Variants in GRIP1 observed in about 807,000 individuals in gnomAD.
The protein encoded by GRIP1 is glutamate receptor interacting protein 1.
In GRIP1, 45 loss-of-function variants were observed where a neutral mutation model predicts 129.9. The ratio of observed to expected loss-of-function variants is 0.35; its 90% CI spans 0.27 to 0.44. The LOEUF is 0.44. Among genes scored for constraint, GRIP1 ranks in the 20% least tolerant of loss-of-function variants. The probability of loss-of-function intolerance (pLI) is 1.00; values close to 1 mark genes in which losing one functional copy is unlikely to be tolerated. For missense variants in GRIP1, 1,196 were observed against 1,396.8 expected, an observed-to-expected ratio of 0.86 and a Z score of 2.29; for synonymous variants, 530 against 520.8, an observed-to-expected ratio of 1.02 and a Z score of -0.24.
intron 1 of GRIP1, among the ~76,000 whole-genome samples, chr12:66,598,128 C>CAGAA (rs1303298344): frequency 3.3e-5 from 5 of 152,084 alleles, no homozygotes; most frequent in Non-Finnish European, 7.4e-5. Context: ...AGGATTTATT[C>CAGAA]AGAACAAGGC....
intron 1 of GRIP1, among the ~76,000 whole-genome samples, chr12:66,686,762 A>G (rs1253565827): frequency 6.6e-6 from 1 of 152,234 alleles, no homozygotes; most frequent in Non-Finnish European, 1.5e-5. Context: ...GCATATATTA[A>G]AAACAAACTA....
At chr12:66,919,180 A>G (rs1184205413) in intron 1 of GRIP1, among the ~76,000 whole-genome samples, 1 of 152,174 alleles carries the variant, frequency 6.6e-6, no homozygotes, top group African/African-American at 2.4e-5. Context: ...CCAAATTATC[A>G]ATTTTTTAAG....
At chr12:66,820,181 T>C (rs945542109) in intron 1 of GRIP1, among the ~76,000 whole-genome samples, 7 of 152,184 alleles carry the variant, frequency 4.6e-5, no homozygotes, top group Non-Finnish European at 1.0e-4. Context: ...AAGGCCGAGG[T>C]GGGCATATCA....
intron 7 of GRIP1, among the ~76,000 whole-genome samples, chr12:66,481,227 CAAAA>C (rs79786837): frequency 8.2e-6 from 1 of 121,270 alleles, no homozygotes. Context: ...CTAGAATCTA[CAAAA>C]AAAAAAAAAC....
intron 1 of GRIP1, among the ~76,000 whole-genome samples, chr12:66,693,238 G>T (rs549985347): frequency 6.6e-6 from 1 of 152,262 alleles, no homozygotes; most frequent in South Asian, 2.1e-4. Context: ...CTGTAAGTAC[G>T]CTCGTTTTGC....
At chr12:66,950,575 TA>T (rs1340705483) in intron 1 of GRIP1, among the ~76,000 whole-genome samples, 3 of 152,048 alleles carry the variant, frequency 2.0e-5, no homozygotes, top group African/African-American at 7.2e-5. Flanking sequence ...TAGAATAGCA[TA>T]AAATAGAAAA....
intron 4 of GRIP1, among the ~76,000 whole-genome samples, chr12:66,531,250 AAAAT>A (rs2061442787): frequency 3.7e-4 from 13 of 35,118 alleles, no homozygotes; most frequent in East Asian, 1.0e-3. Flanking sequence ...AAAAAAAAAA[AAAAT>A]ATATATATAT....
At chr12:66,551,571 CTTTT>C (rs10719369) in intron 2 of GRIP1, among the ~76,000 whole-genome samples, 1 of 114,444 alleles carries the variant, frequency 8.7e-6, no homozygotes, top group Non-Finnish European at 1.8e-5. Context: ...GGCTAGAATC[CTTTT>C]TTTTTTTTTT....
chr12:66,944,917 C>T (rs904481479), intron 1 of GRIP1, among the ~76,000 whole-genome samples: 10 of 152,228 alleles, frequency 6.6e-5, no homozygotes, highest in Non-Finnish European at 1.5e-4. Context: ...CTCAGCCTCC[C>T]GAGAAACTGG....
chr12:66,363,083 A>G (rs547738617), intron 23 of GRIP1, among the ~76,000 whole-genome samples: 1 of 150,120 alleles, frequency 6.7e-6, no homozygotes, highest in Admixed American at 6.6e-5. Context: ...ACTGGCTGAT[A>G]TATCACATAT....
chr12:66,485,279 A>G (rs1478365576), intron 7 of GRIP1, among the ~76,000 whole-genome samples: 1 of 152,166 alleles, frequency 6.6e-6, no homozygotes, highest in Non-Finnish European at 1.5e-5. Context: ...CCTGATGACT[A>G]ACGTAGTAGA....
intron 4 of GRIP1, among the ~76,000 whole-genome samples, chr12:66,533,175 G>A (rs1007507378): frequency 6.6e-6 from 1 of 152,010 alleles, no homozygotes; most frequent in Admixed American, 6.5e-5. Flanking sequence ...TGAAGGCACT[G>A]CTCTAGACCA....
intron 16 of GRIP1, among the ~76,000 whole-genome samples, chr12:66,402,762 C>T (rs952224680): frequency 7.9e-5 from 12 of 152,162 alleles, no homozygotes; most frequent in African/African-American, 2.4e-4. Flanking sequence ...AGCATGACAA[C>T]TATTTAATGT....
intron 1 of GRIP1, among the ~76,000 whole-genome samples, chr12:66,946,177 C>A (rs1214341599): frequency 6.6e-6 from 1 of 152,110 alleles, no homozygotes; most frequent in Admixed American, 6.6e-5. Flanking sequence ...CACCTGGGTC[C>A]CTCACTATTT....
intron 1 of GRIP1, among the ~76,000 whole-genome samples, chr12:66,996,042 G>C (rs2042461846): frequency 6.6e-6 from 1 of 152,042 alleles, no homozygotes; most frequent in South Asian, 2.1e-4. Context: ...AGTTAAAAAA[G>C]ACCACATATT....
At chr12:66,502,671 C>T (rs574853606) in intron 7 of GRIP1, among the ~76,000 whole-genome samples, 2 of 152,238 alleles carry the variant, frequency 1.3e-5, no homozygotes, top group South Asian at 4.2e-4. Context: ...TGCTTATGCT[C>T]TTGTCCTGTG....
intron 1 of GRIP1, among the ~76,000 whole-genome samples, chr12:67,039,350 C>T (rs1292886119): frequency 6.6e-6 from 1 of 152,098 alleles, no homozygotes. Flanking sequence ...GAAATGGGCA[C>T]ACACAAAAAA....
intron 1 of GRIP1, chr12:67,037,329 AAATAATAATAAT>A (rs61468778): frequency 7.2e-6 from 1 of 139,188 alleles, no homozygotes; most frequent in East Asian, 2.1e-4. Flanking sequence ...CTCTGCCTGA[AAATAATAATAAT>A]AATAATAATA....
At chr12:66,542,457 T>C (rs1021468392) in intron 2 of GRIP1, among the ~76,000 whole-genome samples, 1 of 152,226 alleles carries the variant, frequency 6.6e-6, no homozygotes, top group African/African-American at 2.4e-5. Flanking sequence ...TTTACTTTCT[T>C]TGTCTTTCAA....
Sources: gnomAD v4.1 joint callset for allele counts (sites outside exome capture counted in the v4.1 genomes callset) on GRCh38, gnomAD v4.1.1 for gene constraint, MANE v1.5 for transcripts, NCBI Gene and HGNC (gene_info 2026-07-23, HGNC 2026-07-21) for gene names.